OLA1: variants seen among roughly 807,000 people sequenced by gnomAD.
The protein encoded by OLA1 is Obg like ATPase 1, also known as obg-like ATPase 1.
OLA1 carries 14 observed loss-of-function variants against 48.4 expected under a neutral mutation model. The ratio of observed to expected loss-of-function variants is 0.29; its 90% CI spans 0.19 to 0.45. OLA1 has a LOEUF of 0.45. Ranked by LOEUF, OLA1 falls within the 20% of genes least tolerant of loss-of-function variation. The pLI, the probability that OLA1 is intolerant of heterozygous loss-of-function variation, is 1.00. For missense variants in OLA1, 325 were observed against 467.1 expected, an observed-to-expected ratio of 0.70 and a Z score of 2.80; for synonymous variants, 127 against 150.4, an observed-to-expected ratio of 0.84 and a Z score of 1.14.
intron 4 of OLA1, among the ~76,000 whole-genome samples, chr2:174,144,941 AAAAAAAAAAAATATATATATAT>A (rs1686547631): frequency 4.7e-5 from 3 of 64,330 alleles, no homozygotes; most frequent in Non-Finnish European, 6.2e-5. Context: ...AAAAAAAAAA[AAAAAAAAAAAATATATATATAT>A]ATATATATAT....
chr2:174,076,636 A>G (rs1408375433), intron 10 of OLA1, among the ~76,000 whole-genome samples: 1 of 152,156 alleles, frequency 6.6e-6, no homozygotes, highest in Admixed American at 6.6e-5. Context: ...ATTTTCAATT[A>G]TCTAGACCAC....
intron 2 of OLA1, among the ~76,000 whole-genome samples, chr2:174,234,357 T>C (rs777832907): frequency 4.6e-5 from 7 of 152,238 alleles, no homozygotes; most frequent in Non-Finnish European, 1.0e-4. Flanking sequence ...TGGTTATTAG[T>C]AGTTAAGTTT....
chr2:174,141,354 C>T (rs1322277288), intron 5 of OLA1, among the ~76,000 whole-genome samples: 1 of 152,194 alleles, frequency 6.6e-6, no homozygotes, highest in African/African-American at 2.4e-5. Flanking sequence ...TGATAGAAAA[C>T]ACATTTGAAT....
intron 4 of OLA1, among the ~76,000 whole-genome samples, chr2:174,182,349 C>G (rs1687564886): frequency 6.6e-6 from 1 of 151,928 alleles, no homozygotes. Context: ...ACATGAAGAA[C>G]CCCTGTCTCT....
intron 4 of OLA1, among the ~76,000 whole-genome samples, chr2:174,192,494 A>G (rs1416228465): frequency 1.3e-5 from 2 of 152,176 alleles, no homozygotes; most frequent in Admixed American, 6.5e-5. Context: ...TCACACGACA[A>G]CTGCAAAGTT....
intron 7 of OLA1, among the ~76,000 whole-genome samples, chr2:174,106,033 T>G (rs1685508668): frequency 6.6e-6 from 1 of 152,046 alleles, no homozygotes; most frequent in Admixed American, 6.6e-5. Flanking sequence ...AAATTATCTT[T>G]ATCTTTCAGC....
intron 2 of OLA1, among the ~76,000 whole-genome samples, chr2:174,241,295 C>G (rs1018567030): frequency 2.0e-5 from 3 of 152,200 alleles, no homozygotes; most frequent in Non-Finnish European, 4.4e-5. Flanking sequence ...TCACTACATT[C>G]CCGACGAACA....
intron 4 of OLA1, among the ~76,000 whole-genome samples, chr2:174,194,418 T>C (rs1195905909): frequency 5.3e-5 from 8 of 152,240 alleles, no homozygotes; most frequent in Admixed American, 3.3e-4. Context: ...TGGGTTCATG[T>C]CTCCTCCATC....
chr2:174,232,938 C>T (rs1345183177), intron 2 of OLA1, among the ~76,000 whole-genome samples: 1 of 151,966 alleles, frequency 6.6e-6, no homozygotes, highest in Non-Finnish European at 1.5e-5. Flanking sequence ...TTCATAATAG[C>T]CAAGAGGTAG....
intron 7 of OLA1, among the ~76,000 whole-genome samples, chr2:174,091,813 A>T (rs969379508): frequency 7.9e-6 from 1 of 125,894 alleles, no homozygotes; most frequent in Admixed American, 1.0e-4. Context: ...GTGGAGTTGC[A>T]GTGAGCGGAG....
chr2:174,138,705 T>C (rs1460407245), intron 5 of OLA1, among the ~76,000 whole-genome samples: 2 of 152,220 alleles, frequency 1.3e-5, no homozygotes, highest in Non-Finnish European at 2.9e-5. Context: ...AAATGAAGTA[T>C]GCCTGTATGC....
chr2:174,222,579 T>C (rs1318598948), intron 4 of OLA1, among the ~76,000 whole-genome samples: 2 of 152,230 alleles, frequency 1.3e-5, no homozygotes. Flanking sequence ...AAGGACTAGC[T>C]GATCTATAGT....
At chr2:174,246,675 T>A (rs373222101) in intron 2 of OLA1, 40 bp downstream of exon 2, 1 of 1,336,706 alleles carries the variant, frequency 7.5e-7, no homozygotes, top group Non-Finnish European at 1.1e-6. Context: ...CCCAAAATAT[T>A]TACAAAATGA....
chr2:174,192,098 T>G (rs1687789293), intron 4 of OLA1, among the ~76,000 whole-genome samples: 1 of 152,210 alleles, frequency 6.6e-6, no homozygotes, highest in African/African-American at 2.4e-5. Context: ...TTCCATTTTG[T>G]CTCTTCTATA....
intron 4 of OLA1, among the ~76,000 whole-genome samples, chr2:174,148,488 C>A (rs1686667004): frequency 6.6e-6 from 1 of 152,106 alleles, no homozygotes; most frequent in African/African-American, 2.4e-5. Flanking sequence ...CTATGGTAAA[C>A]TCTCATTTAA....
intron 4 of OLA1, among the ~76,000 whole-genome samples, chr2:174,203,017 A>G (rs1228965302): frequency 2.6e-5 from 4 of 152,160 alleles, no homozygotes; most frequent in Non-Finnish European, 5.9e-5. Flanking sequence ...TTTCACAGAA[A>G]CCATCTGTAA....
intron 2 of OLA1, among the ~76,000 whole-genome samples, chr2:174,234,568 A>T (rs1045138977): frequency 6.6e-6 from 1 of 152,044 alleles, no homozygotes; most frequent in African/African-American, 2.4e-5. Context: ...GGATCAAGAG[A>T]TCCTCCCGCT....
At chr2:174,222,864 G>T (rs1031892563) in intron 4 of OLA1, among the ~76,000 whole-genome samples, 169 bp downstream of exon 4, 3 of 152,152 alleles carry the variant, frequency 2.0e-5, no homozygotes, top group African/African-American at 7.2e-5. Flanking sequence ...CTTCAGATAC[G>T]GAGATGATAC....
At chr2:174,183,980 C>G (rs919823182) in intron 4 of OLA1, among the ~76,000 whole-genome samples, 2 of 152,148 alleles carry the variant, frequency 1.3e-5, no homozygotes, top group African/African-American at 2.4e-5. Flanking sequence ...TTCTTCCTCT[C>G]CTGTTCTCAA....
Sources: gnomAD v4.1 joint callset for allele counts (sites outside exome capture counted in the v4.1 genomes callset) on GRCh38, gnomAD v4.1.1 for gene constraint, MANE v1.5 for transcripts, NCBI Gene and HGNC (gene_info 2026-07-23, HGNC 2026-07-21) for gene names.